UGDH: variants seen among roughly 807,000 people sequenced by gnomAD.
The protein encoded by UGDH is UDP-Glc dehydrogenase.
In UGDH, 38 loss-of-function variants were observed where a neutral mutation model predicts 50.6. That is an observed-to-expected ratio of 0.75 (90% CI 0.58 to 0.98). The LOEUF is 0.98. UGDH is among the 50% of genes least tolerant of loss of function. The pLI, the probability that UGDH is intolerant of heterozygous loss-of-function variation, is 0.00. For synonymous variants in UGDH, 168 were observed against 199.9 expected, an observed-to-expected ratio of 0.84 and a Z score of 1.35; for missense variants, 465 against 606.2, an observed-to-expected ratio of 0.77 and a Z score of 2.45.
Position 39,499,979 on chromosome 4 carries a change from G to A in UGDH, c.*164C>T, listed in dbSNP as rs138137686. 1.9e-4 allele frequency: 87 copies of A among 456,512 alleles called. No homozygotes were observed. The highest frequency in any genetic ancestry group is 6.4e-4 in the African/African-American group (32 of 49,920). 28.3% of individuals were successfully genotyped at this position (456,512 alleles called of 1,614,324 possible). On this transcript the variant is annotated 3_prime_UTR_variant, in exon 12 of 12. Transcript: ENST00000316423. The stretch of plus-strand genomic sequence containing the variant: ...TGGGAAGCAGAGCTTGCAGTGAGCC[G>A]AGATTGCACCACTGCACTCCAGCCT...
At chr4:39,507,903 A>G (rs1207133596) in intron 7 of UGDH, among the ~76,000 whole-genome samples, 1 of 150,216 alleles carries the variant, frequency 6.7e-6, no homozygotes, top group Non-Finnish European at 1.5e-5. Context: ...CGATGGCACC[A>G]CTGCATTCTA....
In UGDH at chr4:39,521,625, T is replaced by A. The variant is rs370636792; in HGVS notation, c.-7-106A>T. The A allele has an allele frequency of 2.6e-4, 242 of 943,348 alleles. No individual in the cohort carries two copies. In the African/African-American group the frequency reaches 3.7e-3, roughly 14 times the overall value. 58.4% of individuals were successfully genotyped at this position (943,348 alleles called of 1,614,324 possible). On this transcript the variant is annotated intron_variant, in intron 1 of 11. Coordinates refer to ENST00000316423, the MANE Select transcript of UGDH (RefSeq NM_003359.4). ...ATAAAAACTGTCAAGGTGACAGATATCTGGAAAGATTTCCTACATTCGCTC... is the reference window on the plus strand; with the variant it reads ...ATAAAAACTGTCAAGGTGACAGATAACTGGAAAGATTTCCTACATTCGCTC...
intron 2 of UGDH, among the ~76,000 whole-genome samples, chr4:39,517,723 T>G (rs1353192824): frequency 1.3e-5 from 2 of 152,318 alleles, no homozygotes; most frequent in East Asian, 1.9e-4. Flanking sequence ...ACCATCATGC[T>G]GAATTCTATA....
rs554614491 is a variant in UGDH, at chr4:39,501,027, C to T, written c.1375-774G>A. Among the ~76,000 whole-genome samples, 43 of 147,260 alleles carry T rather than the reference C, an allele frequency of 2.9e-4. No homozygotes were observed. The South Asian group carries it at 4.8e-3, about 16-fold the overall frequency. ...TTGCCTGGGCTGCAGTGCAGTGGCA[C>T]GATCTTGGCTCACTGCAACCTCTGC... On this transcript the variant is annotated intron_variant, in intron 11 of 11. Transcript: ENST00000316423.
Position 39,514,144 on chromosome 4 carries a change from T to G in UGDH, c.203A>C (p.Asn68Thr). 6.3e-7 allele frequency: 1 copy of G among 1,583,272 alleles called. No homozygotes were observed. Among genetic ancestry groups the G allele is most frequent in the Non-Finnish European group, 8.5e-7 (1 of 1,172,808 alleles). The change falls in exon 3 of 12, where the codon AAT (asparagine) becomes ACT (threonine). Residue 68 changes from asparagine (N) to threonine (T), a missense_variant. Transcript: ENST00000316423. ...KEVVESCRGK[N>T]LFFSTNIDDA... is the part of the protein sequence containing the mutation. ...ATCAATATTGGTAGAAAAAAAAAGA[T>G]TTTTTCCTCGACAGGATTCTACCAC...
chr4:39,525,808 C>G (rs1746864628), intron 1 of UGDH, among the ~76,000 whole-genome samples: 2 of 152,216 alleles, frequency 1.3e-5, no homozygotes, highest in Admixed American at 1.3e-4. Context: ...CACGCCCGGC[C>G]CCCATTTTCT....
chr4:39,506,760 G>A (rs1746045068), intron 7 of UGDH, among the ~76,000 whole-genome samples: 1 of 152,132 alleles, frequency 6.6e-6, no homozygotes, highest in Admixed American at 6.5e-5. Flanking sequence ...CCAAAGTGTT[G>A]GAAAATCAAG....
intron 11 of UGDH, among the ~76,000 whole-genome samples, 171 bp from the exon 12 acceptor site, chr4:39,500,424 T>C (rs943748710): frequency 6.6e-6 from 1 of 152,196 alleles, no homozygotes; most frequent in African/African-American, 2.4e-5. Flanking sequence ...TTTTTGTTCC[T>C]AGAATTAATC....
intron 2 of UGDH, among the ~76,000 whole-genome samples, chr4:39,519,492 T>C (rs1180101305): frequency 6.6e-6 from 1 of 152,158 alleles, no homozygotes; most frequent in African/African-American, 2.4e-5. Context: ...TCAAGTTATC[T>C]TTCTAAAACA....
chr4:39,505,553 C>A (rs893435374), intron 8 of UGDH, 65 bp downstream of exon 8: 5 of 1,438,882 alleles, frequency 3.5e-6, no homozygotes, highest in African/African-American at 2.8e-5. Flanking sequence ...CTACCCCAAT[C>A]AAAAAATTAA....
rs1746119389 is a variant in UGDH, at chr4:39,508,673, A to G, written c.812-13T>C. 1.3e-6 allele frequency: 2 copies of G among 1,582,614 alleles called. No individual in the cohort carries two copies. The highest frequency in any genetic ancestry group is 4.6e-5 in the East Asian group (2 of 43,046). ...CTCCCACCAAACCCTGCAGAAAGAAAAAAATGAACAATATTTTCATGTAAG... is the reference window on the plus strand; with the variant it reads ...CTCCCACCAAACCCTGCAGAAAGAAGAAAATGAACAATATTTTCATGTAAG... On this transcript the variant is annotated splice_polypyrimidine_tract_variant and intron_variant, in intron 6 of 11. Coordinates refer to ENST00000316423, the MANE Select transcript of UGDH (RefSeq NM_003359.4).
intron 10 of UGDH, 23 bp from the exon 11 acceptor site, chr4:39,504,008 C>A (rs1455124714): frequency 6.3e-7 from 1 of 1,598,542 alleles, no homozygotes; most frequent in Non-Finnish European, 8.6e-7. Context: ...ACCACAGGAA[C>A]AATTAAAACA....
chr4:39,508,225 T>C (rs1434961567), intron 7 of UGDH, among the ~76,000 whole-genome samples: 1 of 152,178 alleles, frequency 6.6e-6, no homozygotes, highest in Admixed American at 6.5e-5. Flanking sequence ...GCTATTATTA[T>C]TGCTGTTACT....
rs1159158609 is a variant in UGDH, at chr4:39,509,817, C to T, written c.754G>A (p.Ala252Thr). 6.2e-7 allele frequency: 1 copy of T among 1,613,430 alleles called. No individual in the cohort carries two copies. Among genetic ancestry groups the T allele is most frequent in the Non-Finnish European group, 8.5e-7 (1 of 1,179,918 alleles). Residue 252 changes from alanine (A) to threonine (T), a missense_variant, in exon 6 of 12, where the codon GCA becomes ACA. Transcript: ENST00000316423. ...EATGADVEEV[A>T]TAIGMDQRIG... ...CTCTGGTCCATTCCAATCGCTGTTG[C>T]TACCTCTTCTACATCAGCTCCTGTT...
intron 1 of UGDH, among the ~76,000 whole-genome samples, chr4:39,524,449 A>T (rs1355547500): frequency 6.6e-6 from 1 of 151,890 alleles, no homozygotes; most frequent in Non-Finnish European, 1.5e-5. Flanking sequence ...AAATAGCTTT[A>T]GTTCAGATTG....
At chr4:39,510,622 C>A in intron 4 of UGDH, 39 bp downstream of exon 4, 1 of 1,614,100 alleles carries the variant, frequency 6.2e-7, no homozygotes, top group Non-Finnish European at 8.5e-7. Context: ...TCAGTATTTA[C>A]ATAAGAATAA....
intron 2 of UGDH, among the ~76,000 whole-genome samples, chr4:39,515,099 A>G (rs1232229644): frequency 6.6e-6 from 1 of 152,074 alleles, no homozygotes; most frequent in East Asian, 1.9e-4. Flanking sequence ...TCCTCCTCCT[A>G]AAGTGCTGGG....
chr4:39,514,241 C>CA (rs1746360280), intron 2 of UGDH, 57 bp from the exon 3 acceptor site: 1 of 1,268,542 alleles, frequency 7.9e-7, no homozygotes, highest in Admixed American at 2.3e-5. Context: ...TATGAGATAA[C>CA]CTAATAGTAT....
At chr4:39,513,674 C>T (rs781336153) in intron 3 of UGDH, among the ~76,000 whole-genome samples, 28 of 151,576 alleles carry the variant, frequency 1.8e-4, no homozygotes, top group Non-Finnish European at 2.2e-4. Flanking sequence ...GTAGCTGGGA[C>T]TGCGGGTGCA....
Sources: allele counts gnomAD v4.1 joint callset (sites outside exome capture counted in the v4.1 genomes callset), GRCh38; gene constraint gnomAD v4.1.1; transcripts MANE v1.5; gene names NCBI Gene and HGNC (gene_info 2026-07-23, HGNC 2026-07-21).